Variants in MAD1L1 observed in about 807,000 individuals in gnomAD.
MAD1L1 encodes mitotic spindle assembly checkpoint protein MAD1.
A neutral mutation model predicts 96.9 loss-of-function variants in MAD1L1; 95 were observed. That is an observed-to-expected ratio of 0.98 (90% CI 0.83 to 1.16). The LOEUF is 1.16. Among genes scored for constraint, MAD1L1 ranks in the 50% most tolerant of loss-of-function variants. The pLI is 0.00. For missense variants in MAD1L1, 1,007 were observed against 954.4 expected (o/e 1.06, Z -0.73); for synonymous variants, 473 against 396.6 (o/e 1.19, Z -2.29).
chr7:2,092,419 C>T (rs894320209), intron 11 of MAD1L1, among the ~76,000 whole-genome samples: 1 of 152,110 alleles, frequency 6.6e-6, no homozygotes, highest in Non-Finnish European at 1.5e-5. Context: ...TGACCACGCC[C>T]CACCCAAGCA....
At chr7:2,014,734 C>A in intron 12 of MAD1L1, 92 bp from the exon 13 acceptor site, 1 of 1,404,532 alleles carries the variant, frequency 7.1e-7, no homozygotes, top group Non-Finnish European at 9.4e-7. Context: ...AGAGCTGGGT[C>A]ACGCGGGGGC....
At chr7:1,983,735 C>A (rs929532795) in intron 14 of MAD1L1, among the ~76,000 whole-genome samples, 4 of 152,182 alleles carry the variant, frequency 2.6e-5, no homozygotes, top group African/African-American at 9.7e-5. Context: ...TCTCAGCACG[C>A]CTGAAAGCTC....
intron 16 of MAD1L1, among the ~76,000 whole-genome samples, chr7:1,944,411 G>A (rs1240993358): frequency 1.3e-5 from 2 of 152,210 alleles, no homozygotes; most frequent in Admixed American, 6.5e-5. Flanking sequence ...GCCGGGTGGG[G>A]AGTGAGAAAC....
At chr7:2,052,024 C>A (rs573753063) in intron 12 of MAD1L1, among the ~76,000 whole-genome samples, 1 of 152,128 alleles carries the variant, frequency 6.6e-6, no homozygotes, top group African/African-American at 2.4e-5. Flanking sequence ...AACAGCCAGG[C>A]GGAAAGACAA....
intron 17 of MAD1L1, among the ~76,000 whole-genome samples, chr7:1,919,511 G>C (rs866094989): frequency 6.6e-6 from 1 of 152,250 alleles, no homozygotes; most frequent in African/African-American, 2.4e-5. Context: ...GGCTCATTGG[G>C]AGCCACTTTT....
At chr7:2,087,231 T>C (rs1181763544) in intron 11 of MAD1L1, among the ~76,000 whole-genome samples, 5 of 152,128 alleles carry the variant, frequency 3.3e-5, no homozygotes, top group Non-Finnish European at 5.9e-5. Flanking sequence ...AAAGTGAATT[T>C]TACTACCAAT....
intron 18 of MAD1L1, among the ~76,000 whole-genome samples, chr7:1,882,265 G>A (rs1227666364): frequency 1.3e-5 from 2 of 152,200 alleles, no homozygotes; most frequent in Non-Finnish European, 2.9e-5. Flanking sequence ...GTTAGCACAC[G>A]CGAACATAGT....
rs140191804 is a variant in MAD1L1, at chr7:2,110,348, G to A, written c.1073+38804C>T. Among the ~76,000 whole-genome samples the A allele has an allele frequency of 3.9e-3, 596 of 152,308 alleles. 2 individuals carry two copies. Among genetic ancestry groups the A allele is most frequent in the Non-Finnish European group, 5.2e-3 (353 of 68,018 alleles). On this transcript the variant is annotated intron_variant, in intron 11 of 18. Transcript: ENST00000265854. ...GGCACAACCAAGCGAGCAGCTGCCC[G>A]GCTGCTCCTGTTCCCTTGGCGCCTC...
chr7:2,221,706 G>A (rs955267645), intron 5 of MAD1L1, among the ~76,000 whole-genome samples: 5 of 152,158 alleles, frequency 3.3e-5, no homozygotes, highest in Non-Finnish European at 5.9e-5. Context: ...ATTATCCGAC[G>A]CCATCAGATG....
intron 17 of MAD1L1, among the ~76,000 whole-genome samples, chr7:1,904,275 T>G (rs1347372856): frequency 1.2e-5 from 1 of 84,828 alleles, no homozygotes; most frequent in Non-Finnish European, 2.4e-5. Context: ...TTCCAGGCAG[T>G]GAGGACGCAG....
At chr7:2,108,309 G>A (rs1017368536) in intron 11 of MAD1L1, among the ~76,000 whole-genome samples, 16 of 152,204 alleles carry the variant, frequency 1.1e-4, no homozygotes, top group African/African-American at 3.4e-4. Context: ...AGAGCGCTCC[G>A]ACGGTTTTGG....
chr7:1,872,341 G>A (rs1347390198), intron 18 of MAD1L1, among the ~76,000 whole-genome samples: 1 of 152,210 alleles, frequency 6.6e-6, no homozygotes, highest in African/African-American at 2.4e-5. Flanking sequence ...CTGAGCCCCA[G>A]GAAGTGAGGC....
chr7:1,892,397 T>G (rs1242198330), intron 18 of MAD1L1, among the ~76,000 whole-genome samples: 2 of 152,106 alleles, frequency 1.3e-5, no homozygotes, highest in Non-Finnish European at 2.9e-5. Context: ...CACAGGTGAG[T>G]GCTGAGTATC....
At chr7:2,231,530 C>T (rs1029048609) in intron 1 of MAD1L1, among the ~76,000 whole-genome samples, 3 of 151,940 alleles carry the variant, frequency 2.0e-5, no homozygotes, top group South Asian at 4.2e-4. Context: ...TTTCTTGAAC[C>T]CAGGAGATGG....
intron 15 of MAD1L1, among the ~76,000 whole-genome samples, chr7:1,960,062 C>A (rs1779889803): frequency 6.6e-6 from 1 of 152,022 alleles, no homozygotes; most frequent in Non-Finnish European, 1.5e-5. Context: ...AACACTGTGG[C>A]TGTAAGGTGA....
At chr7:2,045,730 G>T (rs1783890148) in intron 12 of MAD1L1, among the ~76,000 whole-genome samples, 1 of 151,722 alleles carries the variant, frequency 6.6e-6, no homozygotes, top group Admixed American at 6.6e-5. Context: ...GAAGGAAGGA[G>T]AGTGGGGTGG....
intron 14 of MAD1L1, among the ~76,000 whole-genome samples, chr7:1,983,981 T>C (rs1470348727): frequency 1.3e-5 from 2 of 152,266 alleles, no homozygotes; most frequent in Non-Finnish European, 2.9e-5. Context: ...TAAGGTTTAC[T>C]TTCCTTTTGT....
At chr7:2,192,999 G>T (rs1346469198) in intron 10 of MAD1L1, among the ~76,000 whole-genome samples, 1 of 152,188 alleles carries the variant, frequency 6.6e-6, no homozygotes, top group Non-Finnish European at 1.5e-5. Context: ...TTTGGCAAGG[G>T]TTGTCAGTAA....
At chr7:2,133,090 G>A (rs543441011) in intron 11 of MAD1L1, among the ~76,000 whole-genome samples, 27 of 151,396 alleles carry the variant, frequency 1.8e-4, no homozygotes, top group South Asian at 2.1e-4. Context: ...CGTCACCCAC[G>A]TGTCTGCTTT....
Sources: gnomAD v4.1 joint callset for allele counts (sites outside exome capture counted in the v4.1 genomes callset) on GRCh38, gnomAD v4.1.1 for gene constraint, MANE v1.5 for transcripts, NCBI Gene and HGNC (gene_info 2026-07-23, HGNC 2026-07-21) for gene names.